Variants in GALNT15 observed in about 807,000 individuals in gnomAD.
GALNT15 encodes polypeptide N-acetylgalactosaminyltransferase 15.
GALNT15 carries 67 observed loss-of-function variants against 66.8 expected under a neutral mutation model. That is an observed-to-expected ratio of 1.00 (90% CI 0.82 to 1.23). The LOEUF (loss-of-function observed/expected upper bound fraction) is 1.23. Among genes scored for constraint, GALNT15 ranks in the 50% most tolerant of loss-of-function variants. The pLI is 0.00. For synonymous variants in GALNT15, 313 were observed against 311.5 expected, an observed-to-expected ratio of 1.00 and a Z score of -0.05; for missense variants, 827 against 804.3, an observed-to-expected ratio of 1.03 and a Z score of -0.34.
At position 16,225,777 on chromosome 3, in the gene GALNT15, C is replaced by T. The variant is rs190797316; in HGVS notation, c.1774-1577C>T. Among the ~76,000 whole-genome samples, 3 of 151,842 alleles carry T rather than the reference C, an allele frequency of 2.0e-5. No homozygotes were observed. In the East Asian group the frequency reaches 5.8e-4, roughly 29 times the overall value. ...ATGGATGTACCTTAAAAATATTACACACGGTGCCCAACACTTTGAGAGGCA... is the reference window on the plus strand; with the variant it reads ...ATGGATGTACCTTAAAAATATTACATACGGTGCCCAACACTTTGAGAGGCA... On this transcript the variant is annotated intron_variant, in intron 9 of 9. Transcript: ENST00000339732. This position sits in a 1 kb window ranked among gnomAD's most constrained non-coding sequence, Gnocchi z 4.4.
intron 3 of GALNT15, among the ~76,000 whole-genome samples, chr3:16,206,378 T>A (rs1210419552): frequency 3.7e-5 from 5 of 133,438 alleles, no homozygotes; most frequent in African/African-American, 8.4e-5. Context: ...TGAGACCATT[T>A]AAAAAAAAAA....
rs2063981008 is a variant in GALNT15 at position 16,224,194 on chromosome 3, A to C, written c.1773+1436A>C. Among the ~76,000 whole-genome samples, 1 of 152,274 alleles carries C rather than the reference A, an allele frequency of 6.6e-6. No homozygotes were observed. Among genetic ancestry groups the C allele is most frequent in the African/African-American group, 2.4e-5 (1 of 41,474 alleles). On this transcript the variant is annotated intron_variant, in intron 9 of 9. Transcript: ENST00000339732. The surrounding 1 kb of genome is among the most constrained non-coding windows in gnomAD (Gnocchi z 5.2). The stretch of plus-strand genomic sequence containing the variant: ...TAATAAATAACTTCTAAAAGTTATT[A>C]TCATTCAGCCAGAAAAAGGAATGAG...
Position 16,204,513 on chromosome 3 carries a change from T to C in GALNT15, c.911+3690T>C, listed in dbSNP as rs974047480. 6.6e-6 allele frequency among the ~76,000 whole-genome samples: 1 copy of C among 152,052 alleles called. No individual in the cohort carries two copies. Among genetic ancestry groups the C allele is most frequent in the Non-Finnish European group, 1.5e-5 (1 of 68,012 alleles). The stretch of plus-strand genomic sequence containing the variant: ...TGGGAGATGCTGATTGATGGCCAGT[T>C]TCTACACAAAGTAACAATGATGGGA... On this transcript the variant is annotated intron_variant, in intron 3 of 9. Coordinates refer to ENST00000339732, the MANE Select transcript of GALNT15 (RefSeq NM_054110.5). The surrounding 1 kb of genome is among the most constrained non-coding windows in gnomAD (Gnocchi z 4.5).
the GALNT15 span, among the ~76,000 whole-genome samples, chr3:16,241,551 TC>T: frequency 1.3e-5 from 2 of 151,896 alleles, no homozygotes; most frequent in African/African-American, 4.8e-5. The surrounding 1 kb of genome is among the most constrained non-coding windows in gnomAD (Gnocchi z 4.6). Context: ...AACTTTTTTT[TC>T]TTTTTTTTCT....
chr3:16,190,824 T>G (rs1025647270), intron 1 of GALNT15, among the ~76,000 whole-genome samples: 11 of 152,268 alleles, frequency 7.2e-5, no homozygotes, highest in African/African-American at 2.6e-4. Flanking sequence ...CTGCTGGTCC[T>G]CCACTGAAAC....
At chr3:16,233,912 A>G (rs987307413), downstream of GALNT15, among the ~76,000 whole-genome samples, 5 of 152,200 alleles carry the variant, frequency 3.3e-5, no homozygotes, top group African/African-American at 7.2e-5. Flanking sequence ...AGTGCTGCCA[A>G]TACTGATGGG....
intron 4 of GALNT15, among the ~76,000 whole-genome samples, chr3:16,210,189 T>C (rs956049591): frequency 6.6e-6 from 1 of 152,140 alleles, no homozygotes; most frequent in African/African-American, 2.4e-5. Flanking sequence ...CAAAACCCAA[T>C]TATGAAACAC....
the GALNT15 span, among the ~76,000 whole-genome samples, chr3:16,245,280 C>T: frequency 1.3e-5 from 2 of 152,218 alleles, no homozygotes; most frequent in African/African-American, 4.8e-5. Context: ...AGGTTCACAC[C>T]CCTCATGAAC....
At chr3:16,213,244 A>G (rs2063836579) in intron 6 of GALNT15, among the ~76,000 whole-genome samples, 1 of 152,084 alleles carries the variant, frequency 6.6e-6, no homozygotes, top group South Asian at 2.1e-4. Context: ...TCACGAGGTC[A>G]GGAGATCGAG....
At chr3:16,212,378 C>T (rs1226444204) in intron 5 of GALNT15, among the ~76,000 whole-genome samples, 191 bp from the exon 6 acceptor site, 1 of 152,162 alleles carries the variant, frequency 6.6e-6, no homozygotes, top group African/African-American at 2.4e-5. Context: ...ATTCTCTCCA[C>T]CCTGTCACTC....
chr3:16,212,259 A>C (rs994766276), intron 5 of GALNT15, among the ~76,000 whole-genome samples: 3 of 151,950 alleles, frequency 2.0e-5, no homozygotes, highest in Non-Finnish European at 2.9e-5. Context: ...GTGCTAATTC[A>C]CATGCTACAT....
intron 2 of GALNT15, among the ~76,000 whole-genome samples, chr3:16,199,200 A>T (rs891961429): frequency 1.4e-5 from 2 of 141,588 alleles, no homozygotes; most frequent in East Asian, 4.3e-4. Context: ...GTGTGTACAC[A>T]GACATGCACA....
In GALNT15 at chr3:16,229,854, A is replaced by G; in HGVS notation, c.*2354A>G. On this transcript the variant is annotated 3_prime_UTR_variant, in exon 10 of 10. Transcript: ENST00000339732. The stretch of plus-strand genomic sequence containing the variant: ...TCTTGCTTCCTTAACCAGCTCCATG[A>G]TTTATTACTTTATTGCAGAAGTGGC... 1.8e-6 allele frequency: 1 copy of G among 549,066 alleles called. No homozygotes were observed. The highest frequency in any genetic ancestry group is 8.0e-5 in the South Asian group (1 of 12,518). 34.0% of individuals were successfully genotyped at this position (549,066 alleles called of 1,614,324 possible).
Position 16,227,414 on chromosome 3 carries a change from A to C in GALNT15, c.1834A>C (p.Asn612His). 6.2e-7 allele frequency: 1 copy of C among 1,614,194 alleles called. No homozygotes were observed. The highest frequency in any genetic ancestry group is 8.5e-7 in the Non-Finnish European group (1 of 1,180,012). ...CATGGAAGCTGTGGTGCAAGAAAAC[A>C]ATAAAGATTTGTACCTGCGTCCGTG... The part of the protein sequence containing the change: ...KCMEAVVQEN[N>H]KDLYLRPCDG... The change falls in exon 10 of 10, where the codon AAT (asparagine) becomes CAT (histidine). Residue 612 changes from asparagine to histidine, a missense_variant. Coordinates refer to ENST00000339732, the MANE Select transcript of GALNT15 (RefSeq NM_054110.5). This position sits in a 1 kb window ranked among gnomAD's most constrained non-coding sequence, Gnocchi z 4.5.
Position 16,219,872 on chromosome 3 carries a change from A to C in GALNT15, c.1525-38A>C. 1 of 1,519,376 alleles carries C rather than the reference A, an allele frequency of 6.6e-7. No individual in the cohort carries two copies. The highest frequency in any genetic ancestry group is 9.1e-7 in the Non-Finnish European group (1 of 1,094,236). 94.1% of individuals were successfully genotyped at this position (1,519,376 alleles called of 1,614,324 possible). On this transcript the variant is annotated intron_variant, in intron 7 of 9. Transcript: ENST00000339732. The surrounding 1 kb of genome is among the most constrained non-coding windows in gnomAD (Gnocchi z 4.3). ...CTGACCGAGGGTGTCTTTACAGTGGAATCTGGAATTCACTCCTGTGTGTGT... is the reference window on the plus strand; with the variant it reads ...CTGACCGAGGGTGTCTTTACAGTGGCATCTGGAATTCACTCCTGTGTGTGT...
chr3:16,205,480 T>C (rs541727165), intron 3 of GALNT15, among the ~76,000 whole-genome samples: 1 of 152,350 alleles, frequency 6.6e-6, no homozygotes, highest in African/African-American at 2.4e-5. Flanking sequence ...ACATAAGCAC[T>C]TGATCTCCTG....
downstream of GALNT15, among the ~76,000 whole-genome samples, chr3:16,231,156 G>T (rs1201286919): frequency 7.7e-6 from 1 of 129,634 alleles, no homozygotes; most frequent in African/African-American, 2.8e-5. This position sits in a 1 kb window ranked among gnomAD's most constrained non-coding sequence, Gnocchi z 4.1. Flanking sequence ...TGGGGGGTGG[G>T]GGGCAAGGGA....
At chr3:16,206,842 G>C (rs746661460) in intron 3 of GALNT15, among the ~76,000 whole-genome samples, 9 of 152,110 alleles carry the variant, frequency 5.9e-5, no homozygotes, top group Admixed American at 1.3e-4. Flanking sequence ...CAGTTCCCTG[G>C]CTCTTGATTC....
At chr3:16,185,748 CAGATAGATAGATAGATAGAT>C (rs56684049) in intron 1 of GALNT15, among the ~76,000 whole-genome samples, 13 of 148,308 alleles carry the variant, frequency 8.8e-5, no homozygotes, top group South Asian at 2.1e-4. Context: ...GATAGACAGA[CAGATAGATAGATAGATAGAT>C]AGATAGATAG....
Sources: gnomAD v4.1 joint callset for allele counts (sites outside exome capture counted in the v4.1 genomes callset) on GRCh38, gnomAD v4.1.1 for gene constraint, Gnocchi (gnomAD v3.1) non-coding constraint, MANE v1.5 for transcripts, NCBI Gene and HGNC (gene_info 2026-07-23, HGNC 2026-07-21) for gene names.